The following ATP5F1C variants were observed in gnomAD, a reference collection of about 807,000 sequenced individuals.
ATP5F1C encodes ATP synthase F1 subunit gamma.
In ATP5F1C, 22 loss-of-function variants were observed where a neutral mutation model predicts 37.4. The observed-to-expected ratio is 0.59, with a 90% CI of 0.42 to 0.84. ATP5F1C has a LOEUF of 0.84. ATP5F1C is among the 40% of genes least tolerant of loss of function. ATP5F1C has a pLI of 0.00. For missense variants in ATP5F1C, 286 were observed against 362.4 expected, an observed-to-expected ratio of 0.79 and a Z score of 1.71; for synonymous variants, 121 against 128.0, an observed-to-expected ratio of 0.95 and a Z score of 0.37.
At chr10:7,794,633 G>A (rs1836210917) in intron 1 of ATP5F1C, among the ~76,000 whole-genome samples, 1 of 151,778 alleles carries the variant, frequency 6.6e-6, no homozygotes, top group South Asian at 2.1e-4. Flanking sequence ...TCTTTAACCT[G>A]TTGACGTAAT....
chr10:7,789,442 A>AT lies in ATP5F1C; in HGVS notation c.56+1188dup, dbSNP rs3837321. On this transcript the variant is annotated intron_variant, in intron 1 of 9. Coordinates refer to ENST00000356708, the MANE Select transcript of ATP5F1C (RefSeq NM_001001973.3). ...TTGGTGGCTTGGCCTTGGAAGTCAG[A>AT]TTTTTTTTTCTCTAATATGGAAAAA... Among the ~76,000 whole-genome samples, 848 of 151,784 alleles carry AT rather than the reference A, an allele frequency of 5.6e-3. 7 individuals carry two copies. Among genetic ancestry groups the AT allele is most frequent in the African/African-American group, 0.014 (598 of 41,412 alleles).
chr10:7,800,235 T>G, intron 6 of ATP5F1C, 144 bp downstream of exon 6: 2 of 881,686 alleles, frequency 2.3e-6, no homozygotes, highest in South Asian at 3.2e-5. Context: ...TCTTGCTGCC[T>G]CCCAGGCTGG....
At chr10:7,796,030 T>C in intron 1 of ATP5F1C, 91 bp from the exon 2 acceptor site, 1 of 978,692 alleles carries the variant, frequency 1.0e-6, no homozygotes, top group Non-Finnish European at 1.5e-6. Context: ...TGGGGTATTC[T>C]TTAAATAAAT....
At chr10:7,802,045 T>C (rs1836375920) in intron 6 of ATP5F1C, among the ~76,000 whole-genome samples, 1 of 152,242 alleles carries the variant, frequency 6.6e-6, no homozygotes. Flanking sequence ...GTTACACATG[T>C]GGAGTAGAAT....
chr10:7,804,100 T>G, intron 8 of ATP5F1C: 1 of 519,032 alleles, frequency 1.9e-6, no homozygotes, highest in Non-Finnish European at 3.8e-6. Flanking sequence ...GAACAGAGGT[T>G]GCTAAACTGT....
intron 1 of ATP5F1C, among the ~76,000 whole-genome samples, chr10:7,793,363 C>T (rs950583246): frequency 2.6e-5 from 4 of 152,226 alleles, no homozygotes; most frequent in Non-Finnish European, 4.4e-5. Flanking sequence ...CCGCCTGCCT[C>T]GGCCTCCCAA....
At chr10:7,802,173 C>T in intron 6 of ATP5F1C, 97 bp from the exon 7 acceptor site, 3 of 1,242,454 alleles carry the variant, frequency 2.4e-6, no homozygotes, top group Non-Finnish European at 3.3e-6. Flanking sequence ...AATTTCTGCT[C>T]TGTAATTATA....
chr10:7,799,981 G>A, intron 5 of ATP5F1C, 46 bp from the exon 6 acceptor site: 1 of 1,607,074 alleles, frequency 6.2e-7, no homozygotes, highest in Non-Finnish European at 8.5e-7. Context: ...TGAAATAACA[G>A]TTTAAAAATT....
intron 1 of ATP5F1C, among the ~76,000 whole-genome samples, chr10:7,789,204 A>T (rs1206028957): frequency 2.0e-5 from 3 of 152,200 alleles, no homozygotes; most frequent in Non-Finnish European, 4.4e-5. Flanking sequence ...TGCTAAGGGG[A>T]TTCTAGGCTG....
chr10:7,796,019 A>C (rs182234772), intron 1 of ATP5F1C, 102 bp from the exon 2 acceptor site: 3 of 834,620 alleles, frequency 3.6e-6, no homozygotes, highest in Admixed American at 5.9e-5. Flanking sequence ...TTGTTTCTTT[A>C]TGGGGTATTC....
chr10:7,807,118 A>T, intron 9 of ATP5F1C, 108 bp downstream of exon 9: 1 of 1,074,196 alleles, frequency 9.3e-7, no homozygotes, highest in Non-Finnish European at 1.3e-6. Flanking sequence ...ATTTAGATGG[A>T]TGGGCCACTT....
chr10:7,800,180 G>A, intron 6 of ATP5F1C, 89 bp downstream of exon 6: 1 of 1,301,722 alleles, frequency 7.7e-7, no homozygotes, highest in South Asian at 1.2e-5. Context: ...ATATCTGGTG[G>A]TAGCTATAGC....
rs1363940051 is a variant in ATP5F1C, at chr10:7,799,036, A to T, written c.270A>T (p.Lys90Asn). 6.2e-6 allele frequency: 10 copies of T among 1,612,448 alleles called. No homozygotes were observed. The highest frequency in any genetic ancestry group is 8.5e-6 in the Non-Finnish European group (10 of 1,179,874). The change falls in exon 4 of 10, where the codon AAA becomes AAT. Residue 90 changes from lysine (K) to asparagine (N), a missense_variant. Transcript: ENST00000356708. ...TCAAGGGGCCTGAAGACAAGAAGAA[A>T]CACCTCCTTATTGGTGTGTCCTCAG... is the stretch of plus-strand genomic sequence containing the variant. Reference protein sequence around the residue: ...ADIKGPEDKKKHLLIGVSSDR... With the variant: ...ADIKGPEDKKNHLLIGVSSDR...
At chr10:7,807,439 A>G (rs1179869340) in intron 9 of ATP5F1C, among the ~76,000 whole-genome samples, 1 of 152,226 alleles carries the variant, frequency 6.6e-6, no homozygotes, top group Non-Finnish European at 1.5e-5. Flanking sequence ...GAATGAGAAT[A>G]TAACAGGCAA....
In ATP5F1C at chr10:7,797,142, C is replaced by T; in HGVS notation, c.187C>T (p.Leu63=). The change falls in exon 3 of 10, where the codon CTG becomes TTG. Residue 63 remains leucine, a synonymous_variant. Coordinates refer to ENST00000356708, the MANE Select transcript of ATP5F1C (RefSeq NM_001001973.3). The part of the protein sequence containing the change: ...AAKYARAERE[L]KPARIYGLGS... ...AAAATATGCCCGAGCTGAGAGAGAG[C>T]TGAAACCAGCTCGAATATATGGATT... The T allele has an allele frequency of 6.2e-7, 1 of 1,614,082 alleles. No homozygotes were observed. The highest frequency in any genetic ancestry group is 1.1e-5 in the South Asian group (1 of 91,078).
At chr10:7,800,906 A>G (rs942023507) in intron 6 of ATP5F1C, among the ~76,000 whole-genome samples, 2 of 152,242 alleles carry the variant, frequency 1.3e-5, no homozygotes, top group Non-Finnish European at 1.5e-5. Flanking sequence ...GTCAGTATCT[A>G]TTGAGGTTCA....
At chr10:7,804,058 T>G (rs1395449399) in intron 8 of ATP5F1C, 3 of 518,542 alleles carry the variant, frequency 5.8e-6, no homozygotes, top group African/African-American at 1.9e-5. Context: ...GTCTTCACAG[T>G]AAAGGCAGAC....
intron 8 of ATP5F1C, 97 bp from the exon 9 acceptor site, chr10:7,806,877 C>T (rs1263430195): frequency 9.2e-7 from 1 of 1,085,188 alleles, no homozygotes; most frequent in Non-Finnish European, 1.4e-6. Flanking sequence ...TAACAATTGA[C>T]TTTTTTTCAT....
chr10:7,805,619 C>T (rs1337083199), intron 8 of ATP5F1C, among the ~76,000 whole-genome samples: 7 of 151,580 alleles, frequency 4.6e-5, no homozygotes, highest in East Asian at 1.9e-4. Flanking sequence ...TGGTGGTGGG[C>T]GCCTGTAGTC....
Sources: gnomAD v4.1 joint callset for allele counts (sites outside exome capture counted in the v4.1 genomes callset) on GRCh38, gnomAD v4.1.1 for gene constraint, MANE v1.5 for transcripts, NCBI Gene and HGNC (gene_info 2026-07-23, HGNC 2026-07-21) for gene names.